NEUROG3: variants seen among roughly 807,000 people sequenced by gnomAD.
NEUROG3 encodes neurogenin 3.
For missense variants in NEUROG3, 307 were observed against 297.9 expected, an observed-to-expected ratio of 1.03 and a Z score of -0.22; for synonymous variants, 161 against 139.2, an observed-to-expected ratio of 1.16 and a Z score of -1.10.
In NEUROG3 at chr10:69,572,270, G is replaced by A. The variant is rs917481097; in HGVS notation, c.*129C>T. The A allele has an allele frequency of 2.8e-5, 32 of 1,135,432 alleles. No homozygotes were observed. The highest frequency in any genetic ancestry group is 4.6e-5 in the African/African-American group (3 of 64,992). 70.3% of individuals were successfully genotyped at this position (1,135,432 alleles called of 1,614,324 possible). A position where few individuals can be genotyped will look rare whatever the true frequency, so the allele number is the denominator to read the frequency against. On this transcript the variant is annotated 3_prime_UTR_variant, in exon 2 of 2. Transcript: ENST00000242462. ...CCGTGGAGGCCTGGGCCGGCCAGGG[G>A]TCAGCCAGGGAGAAGCAGAAGGAAC...
At position 69,573,377 on chromosome 10, in the gene NEUROG3, G is replaced by T. The variant is rs1044848706; in HGVS notation, c.-169C>A. Reference sequence around the variant, plus strand: ...GAATGGGGTCCGAGGCCTCTGTCACGCTCTCTCTCGAGGCGCGGCGGTGAG... The same window carrying T: ...GAATGGGGTCCGAGGCCTCTGTCACTCTCTCTCTCGAGGCGCGGCGGTGAG... On this transcript the variant is annotated 5_prime_UTR_variant, in exon 1 of 2. Coordinates refer to ENST00000242462, the MANE Select transcript of NEUROG3 (RefSeq NM_020999.4). 2.4e-6 allele frequency: 1 copy of T among 420,528 alleles called. No homozygotes were observed. The highest frequency in any genetic ancestry group is 2.0e-5 in the African/African-American group (1 of 48,876). 26.0% of individuals were successfully genotyped at this position (420,528 alleles called of 1,614,324 possible). A position where few individuals can be genotyped will look rare whatever the true frequency, so the allele number is the denominator to read the frequency against.
At position 69,573,401 on chromosome 10, in the gene NEUROG3, A is replaced by G. The variant is rs1291981493; in HGVS notation, c.-193T>C. Among the ~76,000 whole-genome samples, 3 of 152,146 alleles carry G rather than the reference A, an allele frequency of 2.0e-5. No individual in the cohort carries two copies. Among genetic ancestry groups the G allele is most frequent in the African/African-American group, 7.2e-5 (3 of 41,438 alleles). On this transcript the variant is annotated 5_prime_UTR_variant, in exon 1 of 2. Transcript: ENST00000242462. The stretch of plus-strand genomic sequence containing the variant: ...CGCTCTCTCTCGAGGCGCGGCGGTG[A>G]GACCGCAGGGATTTCCTGAGCAGCA...
Position 69,572,910 on chromosome 10 carries a change from T to C in NEUROG3, c.134A>G (p.Asn45Ser), listed in dbSNP as rs1408921770. 1 of 1,611,802 alleles carries C rather than the reference T, an allele frequency of 6.2e-7. No individual in the cohort carries two copies. The highest frequency in any genetic ancestry group is 8.5e-7 in the Non-Finnish European group (1 of 1,179,626). Residue 45 changes from asparagine (N) to serine (S), a missense_variant, in exon 2 of 2, where the codon AAC becomes AGC. Asn to Ser is a conservative substitution (Grantham distance 46). Transcript: ENST00000242462. The stretch of plus-strand genomic sequence containing the variant: ...GCCTCCCTCTTCCGCCTCTGCGCAG[T>C]TCCCCCGTGTGCGAGTGGGGCTGGG... The part of the protein sequence containing the change: ...APPSPTRTRG[N>S]CAEAEEGGCR...
In NEUROG3 at chr10:69,572,534, C is replaced by A; in HGVS notation, c.510G>T (p.Gly170=). The change falls in exon 2 of 2, where the codon GGG becomes GGT. Residue 170 remains glycine, a synonymous_variant. Coordinates refer to ENST00000242462, the MANE Select transcript of NEUROG3 (RefSeq NM_020999.4). ...GSPGGSPGDW[G]SLYSPVSQAG... is the part of the protein sequence containing the mutation. ...CCTGGGAGACTGGGGAGTAGAGGGA[C>A]CCCCAGTCCCCGGGGGAACCGCCTG... The A allele has an allele frequency of 6.2e-7, 1 of 1,603,650 alleles. No individual in the cohort carries two copies. The highest frequency in any genetic ancestry group is 1.3e-5 in the African/African-American group (1 of 74,706).
rs756890345 is a variant in NEUROG3 at position 69,572,534 on chromosome 10, CCCCCAG to C, written c.504_509del (p.Asp168_Gly170delinsGlu). The C allele has an allele frequency of 1.2e-6, 2 of 1,603,650 alleles. No individual in the cohort carries two copies. Among genetic ancestry groups the C allele is most frequent in the Non-Finnish European group, 1.7e-6 (2 of 1,175,190 alleles). ...CCTGGGAGACTGGGGAGTAGAGGGA[CCCCCAG>C]TCCCCGGGGGAACCGCCTGGGCTGC... On this transcript the variant is annotated inframe_deletion, in exon 2 of 2. Coordinates refer to ENST00000242462, the MANE Select transcript of NEUROG3 (RefSeq NM_020999.4).
downstream of NEUROG3, chr10:69,571,557 T>A (rs1189767564): frequency 6.6e-6 from 1 of 152,184 alleles, no homozygotes; most frequent in African/African-American, 2.4e-5. Context: ...ATACAAAATA[T>A]AGGCTTTTCC....
rs112344207 is a variant in NEUROG3 at position 69,572,988 on chromosome 10, C to T, written c.56G>A (p.Arg19Gln). 2.5e-6 allele frequency: 4 copies of T among 1,613,658 alleles called. No homozygotes were observed. Among genetic ancestry groups the T allele is most frequent in the East Asian group, 2.2e-5 (1 of 44,864 alleles). ...PTVQVTRETE[R>Q]SFPRASEDEV... ...GTCTTCCGAGGCTCTGGGGAAGGAC[C>T]GCTCCGTCTCACGGGTCACTTGGAC... The change falls in exon 2 of 2, where the codon CGG becomes CAG. Residue 19 changes from arginine (R) to glutamine (Q), a missense_variant. By Grantham distance (43) the Arg-to-Gln change is conservative (BLOSUM62 1). Coordinates refer to ENST00000242462, the MANE Select transcript of NEUROG3 (RefSeq NM_020999.4).
rs1318653780 is a variant in NEUROG3 at position 69,572,439 on chromosome 10, C to A, written c.605G>T (p.Cys202Phe). 29 of 1,589,490 alleles carry A rather than the reference C, an allele frequency of 1.8e-5. No individual in the cohort carries two copies. The highest frequency in any genetic ancestry group is 2.5e-5 in the Non-Finnish European group (29 of 1,171,212). Residue 202 changes from cysteine (C) to phenylalanine (F), a missense_variant, in exon 2 of 2, where the codon TGC becomes TTC. Coordinates refer to ENST00000242462, the MANE Select transcript of NEUROG3 (RefSeq NM_020999.4). The part of the protein sequence containing the change: ...PGLLGATFSA[C>F]LSPGSLAFSD... ...GAAAGCCAGACTGCCTGGGCTCAAG[C>A]AGGCGGAAAAGGTGGCCCCCAGCAG...
Position 69,572,578 on chromosome 10 carries a change from A to T in NEUROG3, c.466T>A (p.Cys156Ser). 2 of 1,613,456 alleles carry T rather than the reference A, an allele frequency of 1.2e-6. No individual in the cohort carries two copies. The highest frequency in any genetic ancestry group is 1.7e-6 in the Non-Finnish European group (2 of 1,179,736). ...LYALEPPAPH[C>S]GELGSPGGSP... ...CCGCCTGGGCTGCCCAGCTCCCCGC[A>T]GTGCGGCGCCGGCGGCTCCAGCGCG... The change falls in exon 2 of 2, where the codon TGC (cysteine) becomes AGC (serine). Residue 156 changes from cysteine (C) to serine (S), a missense_variant. Cys to Ser is a moderately radical substitution (Grantham distance 112). Coordinates refer to ENST00000242462, the MANE Select transcript of NEUROG3 (RefSeq NM_020999.4).
In NEUROG3 at chr10:69,572,591, C is replaced by G; in HGVS notation, c.453G>C (p.Pro151=). The G allele has an allele frequency of 6.2e-7, 1 of 1,613,690 alleles. No individual in the cohort carries two copies. ...CCAGCTCCCCGCAGTGCGGCGCCGGCGGCTCCAGCGCGTACAAGCTGTGGT... is the reference window on the plus strand; with the variant it reads ...CCAGCTCCCCGCAGTGCGGCGCCGGGGGCTCCAGCGCGTACAAGCTGTGGT... ...IADHSLYALE[P]PAPHCGELGS... The change falls in exon 2 of 2, where the codon CCG becomes CCC. Residue 151 remains proline, a synonymous_variant. Transcript: ENST00000242462.
chr10:69,573,212 T>C lies in NEUROG3; in HGVS notation c.-4A>G. On this transcript the variant is annotated splice_region_variant and 5_prime_UTR_variant, in exon 1 of 2. Coordinates refer to ENST00000242462, the MANE Select transcript of NEUROG3 (RefSeq NM_020999.4). ...CCTCGGAGGCCTCCAAATATTACCT[T>C]TCTACCGGCGCAAAAGAATAGAGAG... The C allele has an allele frequency of 1.4e-6, 1 of 705,548 alleles. No homozygotes were observed. Among genetic ancestry groups the C allele is most frequent in the South Asian group, 1.9e-5 (1 of 53,386 alleles). The allele number at this position is 705,548 out of a possible 1,614,324, so 43.7% of individuals were successfully genotyped here.
Position 69,573,024 on chromosome 10 carries a change from C to A in NEUROG3, c.20G>T (p.Gly7Val), listed in dbSNP as rs1450585891. The A allele has an allele frequency of 6.2e-7, 1 of 1,613,566 alleles. No homozygotes were observed. The highest frequency in any genetic ancestry group is 1.1e-5 in the South Asian group (1 of 91,058). The part of the protein sequence containing the change: MTPQPS[G>V]APTVQVTRET... Reference sequence around the variant, plus strand: ...ACGGGTCACTTGGACAGTGGGCGCACCCGAGGGTTGAGGCGTCATCCTACG... The same window carrying A: ...ACGGGTCACTTGGACAGTGGGCGCAACCGAGGGTTGAGGCGTCATCCTACG... Residue 7 changes from glycine (G) to valine (V), a missense_variant, in exon 2 of 2, where the codon GGT becomes GTT. Transcript: ENST00000242462.
intron 1 of NEUROG3, 59 bp downstream of exon 1, chr10:69,573,151 C>T: frequency 7.8e-7 from 1 of 1,287,476 alleles, no homozygotes; most frequent in Non-Finnish European, 1.1e-6. Flanking sequence ...TCCCAGCCCC[C>T]GCTGGGTCAG....
chr10:69,572,868 C>A lies in NEUROG3; in HGVS notation c.176G>T (p.Arg59Met). The change falls in exon 2 of 2, where the codon AGG (arginine) becomes ATG (methionine). Residue 59 changes from arginine to methionine, a missense_variant. Physicochemically the swap from Arg to Met is moderately conservative, Grantham distance 91. Coordinates refer to ENST00000242462, the MANE Select transcript of NEUROG3 (RefSeq NM_020999.4). ...AEEGGCRGAP[R>M]KLRARRGGRS... ...TCCCCCGCGCCGTGCCCGGAGCTTC[C>A]TCGGGGCCCCTCGGCAGCCTCCCTC... is the stretch of plus-strand genomic sequence containing the variant. The A allele has an allele frequency of 6.2e-7, 1 of 1,609,348 alleles. No homozygotes were observed. The highest frequency in any genetic ancestry group is 8.5e-7 in the Non-Finnish European group (1 of 1,178,276).
Position 69,572,859 on chromosome 10 carries a change from C to G in NEUROG3, c.185G>C (p.Arg62Pro), listed in dbSNP as rs1329767735. The change falls in exon 2 of 2, where the codon CGG (arginine) becomes CCG (proline). Residue 62 changes from arginine to proline, a missense_variant. Physicochemically the swap from Arg to Pro is moderately radical, Grantham distance 103 (BLOSUM62 -2). Transcript: ENST00000242462. The part of the protein sequence containing the change: ...GGCRGAPRKL[R>P]ARRGGRSRPK... Reference sequence around the variant, plus strand: ...CCGGCTGCGTCCCCCGCGCCGTGCCCGGAGCTTCCTCGGGGCCCCTCGGCA... The same window carrying G: ...CCGGCTGCGTCCCCCGCGCCGTGCCGGGAGCTTCCTCGGGGCCCCTCGGCA... The G allele has an allele frequency of 8.7e-6, 14 of 1,609,782 alleles. No individual in the cohort carries two copies. Among genetic ancestry groups the G allele is most frequent in the Non-Finnish European group, 1.2e-5 (14 of 1,178,368 alleles).
rs1426752456 is a variant in NEUROG3 at position 69,573,211 on chromosome 10, T to C, written c.-3A>G. On this transcript the variant is annotated splice_region_variant and 5_prime_UTR_variant, in exon 1 of 2. Transcript: ENST00000242462. ...CCCTCGGAGGCCTCCAAATATTACC[T>C]TTCTACCGGCGCAAAAGAATAGAGA... is the stretch of plus-strand genomic sequence containing the variant. The C allele has an allele frequency of 1.6e-5, 11 of 707,366 alleles. No individual in the cohort carries two copies. Among genetic ancestry groups the C allele is most frequent in the East Asian group, 2.7e-5 (1 of 36,796 alleles). 43.8% of individuals were successfully genotyped at this position (707,366 alleles called of 1,614,324 possible).
In NEUROG3 at chr10:69,573,373, T is replaced by A; in HGVS notation, c.-165A>T. ...GAGAGAATGGGGTCCGAGGCCTCTG[T>A]CACGCTCTCTCTCGAGGCGCGGCGG... On this transcript the variant is annotated 5_prime_UTR_variant, in exon 1 of 2. Transcript: ENST00000242462. 5 of 426,720 alleles carry A rather than the reference T, an allele frequency of 1.2e-5. No individual in the cohort carries two copies. The highest frequency in any genetic ancestry group is 3.2e-5 in the South Asian group (1 of 31,742). 26.4% of individuals were successfully genotyped at this position (426,720 alleles called of 1,614,324 possible).
At chr10:69,571,646 T>A (rs1299023593), downstream of NEUROG3, 1 of 152,126 alleles carries the variant, frequency 6.6e-6, no homozygotes, top group Non-Finnish European at 1.5e-5. Context: ...CAAAATTGAT[T>A]TCAAAAGGCA....
Position 69,572,664 on chromosome 10 carries a change from A to C in NEUROG3, c.380T>G (p.Phe127Cys), listed in dbSNP as rs1298640109. 1 of 1,613,988 alleles carries C rather than the reference A, an allele frequency of 6.2e-7. No homozygotes were observed. Among genetic ancestry groups the C allele is most frequent in the African/African-American group, 1.3e-5 (1 of 74,938 alleles). The change falls in exon 2 of 2, where the codon TTC (phenylalanine) becomes TGC (cysteine). Residue 127 changes from phenylalanine to cysteine, a missense_variant. Transcript: ENST00000242462. The part of the protein sequence containing the change: ...AKLTKIETLR[F>C]AHNYIWALTQ... ...CAGCGCCCAGATGTAGTTGTGGGCGAAGCGCAGCGTCTCGATCTTGGTGAG... is the reference window on the plus strand; with the variant it reads ...CAGCGCCCAGATGTAGTTGTGGGCGCAGCGCAGCGTCTCGATCTTGGTGAG...
Sources: gnomAD v4.1 joint callset for allele counts (sites outside exome capture counted in the v4.1 genomes callset) on GRCh38, gnomAD v4.1.1 for gene constraint, MANE v1.5 for transcripts, NCBI Gene and HGNC (gene_info 2026-07-23, HGNC 2026-07-21) for gene names.